The following FANK1 variants were observed in gnomAD, a reference collection of about 807,000 sequenced individuals.
FANK1 encodes fibronectin type III and ankyrin repeat domains 1.
Under a neutral mutation model 45.3 loss-of-function variants are expected in FANK1, and 44 were observed. The observed-to-expected ratio is 0.97, with a 90% CI of 0.76 to 1.25. The LOEUF is 1.25. Among genes scored for constraint, FANK1 ranks in the 50% most tolerant of loss-of-function variants. The pLI is 0.00. For missense variants in FANK1, 391 were observed against 424.4 expected, an observed-to-expected ratio of 0.92 and a Z score of 0.69; for synonymous variants, 149 against 152.5, an observed-to-expected ratio of 0.98 and a Z score of 0.17.
intron 1 of FANK1, among the ~76,000 whole-genome samples, chr10:125,918,538 CAG>C (rs1946643582): frequency 1.1e-5 from 1 of 95,092 alleles, no homozygotes; most frequent in Non-Finnish European, 1.9e-5. Context: ...AGTCTGGTGA[CAG>C]AGCAAGCCTC....
intron 3 of FANK1, among the ~76,000 whole-genome samples, chr10:125,992,702 G>C (rs554977218): frequency 1.3e-5 from 2 of 150,292 alleles, no homozygotes; most frequent in East Asian, 3.9e-4. Context: ...GTTAGGATGC[G>C]CTAGGAAGTG....
intron 1 of FANK1, among the ~76,000 whole-genome samples, chr10:125,974,068 CTTAA>C (rs1427578871): frequency 6.6e-6 from 1 of 152,172 alleles, no homozygotes; most frequent in African/African-American, 2.4e-5. Context: ...TACTTTGTAA[CTTAA>C]TTATCACAAA....
chr10:125,976,014 AG>A (rs1328352161), intron 1 of FANK1, among the ~76,000 whole-genome samples: 3 of 152,186 alleles, frequency 2.0e-5, no homozygotes, highest in Non-Finnish European at 4.4e-5. Flanking sequence ...CTTATAAGGC[AG>A]GTCTGGTAAT....
chr10:125,996,590 G>A lies in FANK1; in HGVS notation c.439G>A (p.Ala147Thr), dbSNP rs2134220207. 10 of 1,614,036 alleles carry A rather than the reference G, an allele frequency of 6.2e-6. No homozygotes were observed. Among genetic ancestry groups the A allele is most frequent in the Non-Finnish European group, 8.5e-6 (10 of 1,179,984 alleles). Reference sequence around the variant, plus strand: ...TGTTCCCAATAAGTTTGGCTTTACCGCTCTGATGGTTGCTGCCCAGAAAGG... The same window carrying A: ...TGTTCCCAATAAGTTTGGCTTTACCACTCTGATGGTTGCTGCCCAGAAAGG... ...VDVPNKFGFT[A>T]LMVAAQKGYT... Residue 147 changes from alanine to threonine, a missense_variant, in exon 5 of 11, where the codon GCT (alanine) becomes ACT (threonine). Physicochemically the swap from Ala to Thr is moderately conservative, Grantham distance 58. Coordinates refer to ENST00000368693, the MANE Select transcript of FANK1 (RefSeq NM_145235.5).
chr10:125,937,155 C>T (rs1267954874), intron 1 of FANK1, among the ~76,000 whole-genome samples: 3 of 152,088 alleles, frequency 2.0e-5, no homozygotes, highest in African/African-American at 7.2e-5. Flanking sequence ...TTGAGTGTAT[C>T]GCTAAAAGTG....
intron 1 of FANK1, among the ~76,000 whole-genome samples, chr10:125,915,484 A>G (rs11244699): frequency 0.3 from 45,967 of 151,810 alleles, 7,151 homozygotes; most frequent in East Asian, 0.44. Context: ...GTTCTTTTCA[A>G]CTTCACATAC....
intron 2 of FANK1, among the ~76,000 whole-genome samples, chr10:125,987,130 C>G (rs1028274263): frequency 6.6e-6 from 1 of 151,782 alleles, no homozygotes; most frequent in East Asian, 1.9e-4. Context: ...CCTTGACTGC[C>G]CCTTTTCTTG....
At chr10:125,946,023 T>C (rs944641060) in intron 1 of FANK1, among the ~76,000 whole-genome samples, 11 of 152,038 alleles carry the variant, frequency 7.2e-5, no homozygotes, top group African/African-American at 1.4e-4. Flanking sequence ...GGCAGGGTAT[T>C]CCAACAGACC....
intron 1 of FANK1, among the ~76,000 whole-genome samples, chr10:125,971,858 G>A (rs1398617354): frequency 6.6e-6 from 1 of 152,106 alleles, no homozygotes; most frequent in Non-Finnish European, 1.5e-5. Context: ...TCGTGACTTT[G>A]TGATTCGTCC....
intron 3 of FANK1, chr10:125,989,460 C>G: frequency 9.2e-7 from 1 of 1,082,834 alleles, no homozygotes; most frequent in Non-Finnish European, 1.4e-6. Flanking sequence ...ATGTGCTTTC[C>G]ATGGCTTTCA....
intron 1 of FANK1, among the ~76,000 whole-genome samples, chr10:125,956,203 G>GT (rs1554930968): frequency 3.0e-5 from 1 of 33,284 alleles, no homozygotes; most frequent in African/African-American, 8.7e-5. Flanking sequence ...TACATTTTTT[G>GT]GGGGGGGGGC....
At position 125,991,069 on chromosome 10, in the gene FANK1, G is replaced by A. The variant is rs148035647; in HGVS notation, c.316+2394G>A. Among the ~76,000 whole-genome samples, 1,293 of 152,284 alleles carry A rather than the reference G, an allele frequency of 8.5e-3. 19 individuals carry two copies. The highest frequency in any genetic ancestry group is 0.029 in the African/African-American group (1,199 of 41,552). On this transcript the variant is annotated intron_variant, in intron 3 of 10. Coordinates refer to ENST00000368693, the MANE Select transcript of FANK1 (RefSeq NM_145235.5). ...CTACAATTCAAGATGAGATTTGGGTGGGGACACAGCCAAACTATATCAGGC... is the reference window on the plus strand; with the variant it reads ...CTACAATTCAAGATGAGATTTGGGTAGGGACACAGCCAAACTATATCAGGC...
chr10:125,995,019 T>TA, intron 3 of FANK1: 2 of 825,582 alleles, frequency 2.4e-6, no homozygotes, highest in Non-Finnish European at 2.8e-6. Flanking sequence ...AAGCACTTTG[T>TA]CTTTTTTTTT....
intron 1 of FANK1, among the ~76,000 whole-genome samples, chr10:125,898,742 A>G (rs533932078): frequency 1.4e-4 from 22 of 152,278 alleles, no homozygotes; most frequent in Middle Eastern, 6.8e-3. Context: ...TATGTGAACT[A>G]TACATTTATA....
At chr10:125,979,960 G>T in intron 1 of FANK1, 1 of 634,334 alleles carries the variant, frequency 1.6e-6, no homozygotes. Flanking sequence ...GCTTGTTGAA[G>T]ACTGTGGTAG....
rs1950801180 is a variant in FANK1 at position 125,975,502 on chromosome 10, TA to T, written c.14-4658del. On this transcript the variant is annotated intron_variant, in intron 1 of 10. Transcript: ENST00000368693. ...CCTTTGTGACCTTGCCAGCATCTAT[TA>T]TTTTTTTGGCTTTTTAATAATGGCC... Among the ~76,000 whole-genome samples the T allele has an allele frequency of 3.9e-5, 6 of 152,350 alleles. No individual in the cohort carries two copies. In the South Asian group the frequency reaches 1.2e-3, roughly 32 times the overall value.
chr10:125,961,343 C>G (rs1207749072), intron 1 of FANK1, among the ~76,000 whole-genome samples: 1 of 152,110 alleles, frequency 6.6e-6, no homozygotes, highest in Admixed American at 6.6e-5. Context: ...CCCCTGGGGT[C>G]AAATGATTCT....
intron 1 of FANK1, among the ~76,000 whole-genome samples, chr10:125,952,830 C>T (rs574592774): frequency 6.7e-6 from 1 of 149,548 alleles, no homozygotes; most frequent in Non-Finnish European, 1.5e-5. Flanking sequence ...CACACACACA[C>T]ACACACACAC....
chr10:126,005,126 A>G, intron 7 of FANK1, 77 bp downstream of exon 7: 1 of 1,503,500 alleles, frequency 6.7e-7, no homozygotes, highest in Admixed American at 2.1e-5. Flanking sequence ...TGGCAGAAGC[A>G]GGGCCTTTGA....
Sources: gnomAD v4.1 joint callset for allele counts (sites outside exome capture counted in the v4.1 genomes callset) on GRCh38, gnomAD v4.1.1 for gene constraint, MANE v1.5 for transcripts, NCBI Gene and HGNC (gene_info 2026-07-23, HGNC 2026-07-21) for gene names.